Variants in SLCO1B3 observed in about 807,000 individuals in gnomAD.
SLCO1B3 encodes liver-specific organic anion transporter 2.
A neutral mutation model predicts 71.8 loss-of-function variants in SLCO1B3; 72 were observed. The ratio of observed to expected loss-of-function variants is 1.00; its 90% CI spans 0.83 to 1.22. The LOEUF is 1.22. SLCO1B3 is among the 50% of genes most tolerant of loss of function. The pLI, the probability that SLCO1B3 is intolerant of heterozygous loss-of-function variation, is 0.00. For missense variants in SLCO1B3, 911 were observed against 819.7 expected (o/e 1.11, Z -1.36); for synonymous variants, 298 against 278.4 (o/e 1.07, Z -0.70).
chr12:20,815,531 C>A (rs998392682), intron 2 of SLCO1B3, 143 bp from the exon 3 acceptor site: 1 of 446,818 alleles, frequency 2.2e-6, no homozygotes, highest in Non-Finnish European at 4.0e-6. Flanking sequence ...CCAGCATTGA[C>A]CTAGTCCTGT....
At chr12:20,836,028 A>C (rs747964664) in intron 3 of SLCO1B3, among the ~76,000 whole-genome samples, 4 of 152,250 alleles carry the variant, frequency 2.6e-5, no homozygotes, top group Non-Finnish European at 5.9e-5. Flanking sequence ...GCAAAGGTAC[A>C]TCTTACATGG....
intron 3 of SLCO1B3, among the ~76,000 whole-genome samples, chr12:20,848,492 C>T (rs1490224602): frequency 6.6e-6 from 1 of 152,114 alleles, no homozygotes; most frequent in Non-Finnish European, 1.5e-5. Context: ...AGTATTTACC[C>T]AAATGACTTG....
chr12:20,860,057 A>G (rs1435572530), intron 5 of SLCO1B3, among the ~76,000 whole-genome samples: 2 of 147,368 alleles, frequency 1.4e-5, no homozygotes, highest in Admixed American at 7.0e-5. Context: ...CCGGGTTCAC[A>G]CCATTCTCCT....
At chr12:20,859,710 G>A (rs1845060527) in intron 5 of SLCO1B3, among the ~76,000 whole-genome samples, 2 of 151,792 alleles carry the variant, frequency 1.3e-5, no homozygotes, top group African/African-American at 4.8e-5. Flanking sequence ...TGCCTTAAAT[G>A]CAACTACCCC....
chr12:20,907,671 G>A (rs1218030273), intron 15 of SLCO1B3, among the ~76,000 whole-genome samples: 1 of 151,556 alleles, frequency 6.6e-6, no homozygotes, highest in Non-Finnish European at 1.5e-5. Context: ...ATTACGGCAG[G>A]CTAATTTTTT....
In SLCO1B3 at chr12:20,855,096, C is replaced by T; in HGVS notation, c.153C>T (p.Ser51=). ...KALGGIIMKI[S]ITQIERRFDI... is the part of the protein sequence containing the mutation. ...TAGGTGGAATCATTATGAAAATTTCCATCACTCAAATAGAAAGGAGATTTG... is the reference window on the plus strand; with the variant it reads ...TAGGTGGAATCATTATGAAAATTTCTATCACTCAAATAGAAAGGAGATTTG... The change falls in exon 4 of 16, where the codon TCC becomes TCT. Residue 51 remains serine (S), a synonymous_variant. Transcript: ENST00000381545. The T allele has an allele frequency of 1.2e-6, 2 of 1,611,790 alleles. No homozygotes were observed. The highest frequency in any genetic ancestry group is 2.2e-5 in the East Asian group (1 of 44,850).
rs1865188780 is a variant in SLCO1B3, at chr12:20,858,543, A to ACATCTTTAC, written c.334_342dup (p.Ser112_Pro114dup). The ACATCTTTAC allele has an allele frequency of 6.2e-7, 1 of 1,606,508 alleles. No individual in the cohort carries two copies. Among genetic ancestry groups the ACATCTTTAC allele is most frequent in the African/African-American group, 1.3e-5 (1 of 74,824 alleles). On this transcript the variant is annotated inframe_insertion, in exon 5 of 16. Coordinates refer to ENST00000381545, the MANE Select transcript of SLCO1B3 (RefSeq NM_019844.4). ...CCTTATGGGAACTGGAAGTATTTTG[A>ACATCTTTAC]CATCTTTACCACATTTCTTCATGGG...
intron 5 of SLCO1B3, 142 bp from the exon 6 acceptor site, chr12:20,860,875 T>G (rs1490185727): frequency 1.2e-5 from 10 of 823,214 alleles, no homozygotes; most frequent in Non-Finnish European, 1.9e-5. Context: ...CTGAAATACA[T>G]GCTGGGAAGT....
In SLCO1B3 at chr12:20,815,077, T is replaced by C. The variant is rs2121067925; in HGVS notation, c.-65-597T>C. ...AAATACAGTAAGATCATGATGATGG[T>C]AAGGTCAAGCATGGCCAGAGTCTCT... On this transcript the variant is annotated intron_variant, in intron 2 of 15. Coordinates refer to ENST00000381545, the MANE Select transcript of SLCO1B3 (RefSeq NM_019844.4). 1.3e-5 allele frequency among the ~76,000 whole-genome samples: 2 copies of C among 151,616 alleles called. 1 individual carries two copies. The highest frequency in any genetic ancestry group is 4.2e-4 in the South Asian group (2 of 4,792).
At chr12:20,865,041 A>T (rs80133659) in intron 8 of SLCO1B3, among the ~76,000 whole-genome samples, 1,598 of 152,198 alleles carry the variant, frequency 0.01, 20 homozygotes, top group African/African-American at 0.035. Flanking sequence ...AGAATCCAGG[A>T]ACCAAGATTT....
chr12:20,838,798 T>C (rs1190142202), intron 3 of SLCO1B3, among the ~76,000 whole-genome samples: 1 of 152,098 alleles, frequency 6.6e-6, no homozygotes, highest in Non-Finnish European at 1.5e-5. Flanking sequence ...GGTACATGAT[T>C]GTAGTTGAAT....
In SLCO1B3 at chr12:20,898,433, C is replaced by A; in HGVS notation, c.1683-3C>A. 6.3e-7 allele frequency: 1 copy of A among 1,585,308 alleles called. No homozygotes were observed. Among genetic ancestry groups the A allele is most frequent in the South Asian group, 1.1e-5 (1 of 89,786 alleles). On this transcript the variant is annotated splice_polypyrimidine_tract_variant and splice_region_variant and intron_variant, in intron 13 of 15. Transcript: ENST00000381545. ...TTATTTCTTTGCCTTTATCATATTT[C>A]AGGATTGTTCAACCTGAATTGAAAG...
intron 3 of SLCO1B3, among the ~76,000 whole-genome samples, chr12:20,845,990 A>G (rs1019946235): frequency 1.4e-5 from 2 of 146,858 alleles, no homozygotes; most frequent in African/African-American, 5.0e-5. Context: ...TTTTTTTTTA[A>G]CTGTTGTTCC....
chr12:20,880,786 C>A, intron 11 of SLCO1B3, 69 bp from the exon 12 acceptor site: 1 of 1,063,430 alleles, frequency 9.4e-7, no homozygotes, highest in Non-Finnish European at 1.3e-6. Context: ...ATCCCCTTGT[C>A]TCCCTCTTCT....
intron 12 of SLCO1B3, among the ~76,000 whole-genome samples, chr12:20,882,787 G>C (rs747122258): frequency 3.3e-5 from 5 of 152,112 alleles, no homozygotes; most frequent in Non-Finnish European, 7.4e-5. Flanking sequence ...CCTAGAATCA[G>C]AGCAGAATTT....
chr12:20,870,277 G>T (rs917462563), intron 8 of SLCO1B3, among the ~76,000 whole-genome samples: 1 of 151,938 alleles, frequency 6.6e-6, no homozygotes, highest in Non-Finnish European at 1.5e-5. Context: ...CTCTTATTCC[G>T]TATGTTGCCT....
intron 3 of SLCO1B3, among the ~76,000 whole-genome samples, chr12:20,820,925 G>C (rs4762788): frequency 0.018 from 2,714 of 151,770 alleles, 80 homozygotes; most frequent in African/African-American, 0.062. Context: ...CTGGGCAGGT[G>C]GGGGAGGGGT....
intron 3 of SLCO1B3, among the ~76,000 whole-genome samples, chr12:20,844,226 T>C (rs528646081): frequency 1.3e-5 from 2 of 152,194 alleles, no homozygotes; most frequent in Non-Finnish European, 2.9e-5. Context: ...GTGTAAGTTA[T>C]ATAAAGATAC....
intron 8 of SLCO1B3, among the ~76,000 whole-genome samples, chr12:20,874,123 G>A (rs1200383848): frequency 2.0e-5 from 3 of 152,158 alleles, no homozygotes; most frequent in Admixed American, 1.3e-4. Flanking sequence ...TATATACCCA[G>A]TAAAGGGATT....
Sources: allele counts gnomAD v4.1 joint callset (sites outside exome capture counted in the v4.1 genomes callset), GRCh38; gene constraint gnomAD v4.1.1; transcripts MANE v1.5; gene names NCBI Gene and HGNC (gene_info 2026-07-23, HGNC 2026-07-21).